The following SLC41A2 variants were observed in gnomAD, a reference collection of about 807,000 sequenced individuals.
SLC41A2 encodes the protein solute carrier family 41 member 2, also known as SLC41A1-like 1.
Under a neutral mutation model 58.3 loss-of-function variants are expected in SLC41A2, and 32 were observed. That is an observed-to-expected ratio of 0.55 (90% CI 0.41 to 0.74). The LOEUF is 0.74. SLC41A2 is among the 30% of genes least tolerant of loss of function. The pLI is 0.00. For missense variants in SLC41A2, 514 were observed against 680.6 expected (o/e 0.76, Z 2.72); for synonymous variants, 190 against 235.0 (o/e 0.81, Z 1.75).
intron 3 of SLC41A2, among the ~76,000 whole-genome samples, chr12:104,899,396 G>A (rs2045452365): frequency 1.3e-5 from 2 of 151,590 alleles, no homozygotes; most frequent in Non-Finnish European, 2.9e-5. Flanking sequence ...TAGATAACAT[G>A]TTGTAGTGAC....
At chr12:104,907,192 T>G (rs993954527) in intron 3 of SLC41A2, among the ~76,000 whole-genome samples, 14 of 147,338 alleles carry the variant, frequency 9.5e-5, no homozygotes, top group Admixed American at 8.5e-4. Context: ...GTTATCCTTT[T>G]GTCATGTCCC....
At chr12:104,893,825 CAG>C (rs2045139699) in intron 4 of SLC41A2, among the ~76,000 whole-genome samples, 1 of 151,870 alleles carries the variant, frequency 6.6e-6, no homozygotes, top group Non-Finnish European at 1.5e-5. Context: ...CTCATGGAGA[CAG>C]AAAGTAGAAG....
intron 6 of SLC41A2, among the ~76,000 whole-genome samples, chr12:104,880,411 T>C (rs535003858): frequency 2.0e-5 from 3 of 152,286 alleles, no homozygotes; most frequent in African/African-American, 2.4e-5. Flanking sequence ...AAAGGGAATG[T>C]TTCCAGTTTT....
At chr12:104,872,692 T>C (rs1306098787) in intron 6 of SLC41A2, among the ~76,000 whole-genome samples, 1 of 152,060 alleles carries the variant, frequency 6.6e-6, no homozygotes, top group African/African-American at 2.4e-5. Flanking sequence ...ATCACACCAC[T>C]GCACTCCAGC....
intron 10 of SLC41A2, among the ~76,000 whole-genome samples, chr12:104,834,594 T>G (rs989244078): frequency 6.6e-6 from 1 of 152,208 alleles, no homozygotes; most frequent in African/African-American, 2.4e-5. Context: ...AATATGAAGA[T>G]TAAGTAACCT....
Position 104,853,911 on chromosome 12 carries a change from A to ATTATTATTATTATTATTTTTTTTTT in SLC41A2, c.1255+7379_1255+7380insAAAAAAAAAATAATAATAATAATAA. On this transcript the variant is annotated intron_variant, in intron 8 of 10. Coordinates refer to ENST00000258538, the MANE Select transcript of SLC41A2 (RefSeq NM_001352171.3). ...GGGTGCATGTCACCATGCCTGGCTG[A>ATTATTATTATTATTATTTTTTTTTT]TTTTTTTTTTTTTTTTTTTTTTTTT... is the stretch of plus-strand genomic sequence containing the variant. 5.2e-4 allele frequency among the ~76,000 whole-genome samples: 31 copies of ATTATTATTATTATTATTTTTTTTTT among 59,494 alleles called. 1 individual carries two copies. The highest frequency in any genetic ancestry group is 8.6e-4 in the Admixed American group (4 of 4,650). 39.0% of individuals were successfully genotyped at this position (59,494 alleles called of 152,430 possible).
At position 104,853,911 on chromosome 12, in the gene SLC41A2, A is replaced by ATTATTATTATTATTAT; in HGVS notation, c.1255+7379_1255+7380insATAATAATAATAATAA. ...GGGTGCATGTCACCATGCCTGGCTG[A>ATTATTATTATTATTAT]TTTTTTTTTTTTTTTTTTTTTTTTT... On this transcript the variant is annotated intron_variant, in intron 8 of 10. Coordinates refer to ENST00000258538, the MANE Select transcript of SLC41A2 (RefSeq NM_001352171.3). Among the ~76,000 whole-genome samples, 80 of 59,494 alleles carry ATTATTATTATTATTAT rather than the reference A, an allele frequency of 1.3e-3. 2 individuals carry two copies. Among genetic ancestry groups the ATTATTATTATTATTAT allele is most frequent in the Non-Finnish European group, 1.8e-3 (58 of 31,486 alleles). The allele number at this position is 59,494 out of a possible 152,430, so 39.0% of individuals were successfully genotyped here.
chr12:104,844,451 T>A (rs200142076), intron 10 of SLC41A2, 21 bp downstream of exon 10: 2 of 1,384,092 alleles, frequency 1.4e-6, no homozygotes, highest in Non-Finnish European at 1.9e-6. Context: ...AAAAGAGATT[T>A]CAAGAAGTTT....
rs778903028 is a variant in SLC41A2 at position 104,825,697 on chromosome 12, C to A, written c.1536+18775G>T. Reference sequence around the variant, plus strand: ...ACAGCCTCTGAAATATCTTTTCAGTCCCAAACTCGATTCCAAGCTTCAGGC... The same window carrying A: ...ACAGCCTCTGAAATATCTTTTCAGTACCAAACTCGATTCCAAGCTTCAGGC... On this transcript the variant is annotated intron_variant, in intron 10 of 10. Coordinates refer to ENST00000258538, the MANE Select transcript of SLC41A2 (RefSeq NM_001352171.3). Among the ~76,000 whole-genome samples the A allele has an allele frequency of 2.0e-5, 3 of 152,140 alleles. No individual in the cohort carries two copies. In the East Asian group the frequency reaches 5.8e-4, roughly 29 times the overall value.
chr12:104,848,094 A>G (rs1406080726), intron 8 of SLC41A2, among the ~76,000 whole-genome samples: 1 of 152,254 alleles, frequency 6.6e-6, no homozygotes, highest in Non-Finnish European at 1.5e-5. Flanking sequence ...ATTACAGGCC[A>G]TAAGACAAGT....
chr12:104,949,622 T>G (rs576523511), intron 1 of SLC41A2, among the ~76,000 whole-genome samples: 2 of 152,328 alleles, frequency 1.3e-5, no homozygotes, highest in African/African-American at 4.8e-5. Flanking sequence ...TCGCTCTTGT[T>G]GCCCAGGCTG....
chr12:104,878,720 C>T (rs2044194256), intron 6 of SLC41A2, among the ~76,000 whole-genome samples: 1 of 152,094 alleles, frequency 6.6e-6, no homozygotes, highest in South Asian at 2.1e-4. Flanking sequence ...CATTGTTGGA[C>T]ATTTGGCTTG....
At chr12:104,864,911 A>AT (rs1168554358) in intron 7 of SLC41A2, among the ~76,000 whole-genome samples, 5 of 150,376 alleles carry the variant, frequency 3.3e-5, no homozygotes, top group South Asian at 2.1e-4. Context: ...CTTGAGTACT[A>AT]TTTTTTTTTC....
chr12:104,939,212 A>G (rs2047403190), intron 1 of SLC41A2, among the ~76,000 whole-genome samples: 1 of 152,174 alleles, frequency 6.6e-6, no homozygotes, highest in African/African-American at 2.4e-5. Context: ...TTACTTACAA[A>G]AATAAAAAAG....
intron 10 of SLC41A2, among the ~76,000 whole-genome samples, chr12:104,822,672 T>C (rs534391304): frequency 1.3e-5 from 2 of 152,236 alleles, no homozygotes; most frequent in South Asian, 4.1e-4. Flanking sequence ...CTAAGCTCAG[T>C]ATAGAGACCT....
At chr12:104,940,470 A>G (rs1290873403) in intron 1 of SLC41A2, among the ~76,000 whole-genome samples, 2 of 151,918 alleles carry the variant, frequency 1.3e-5, no homozygotes, top group African/African-American at 4.8e-5. Context: ...CACGTTGTGC[A>G]CATGTACCCT....
At position 104,889,170 on chromosome 12, in the gene SLC41A2, G is replaced by A; in HGVS notation, c.743C>T (p.Ala248Val). The change falls in exon 5 of 11, where the codon GCA becomes GTA. Residue 248 changes from alanine (A) to valine (V), a missense_variant. Around this residue, in one of 3 missense-constraint regions of SLC41A2, gnomAD observed 336 missense variants for 430.0 expected, o/e 0.78. Coordinates refer to ENST00000258538, the MANE Select transcript of SLC41A2 (RefSeq NM_001352171.3). The part of the protein sequence containing the change: ...IGNLALKQVQ[A>V]TVVGFLAAVA... The stretch of plus-strand genomic sequence containing the variant: ...AGCTGCTAGAAAACCCACTACTGTT[G>A]CCTGAACCTAAAATTTTTTTCATAA... The A allele has an allele frequency of 6.2e-7, 1 of 1,601,302 alleles. No homozygotes were observed. The highest frequency in any genetic ancestry group is 8.5e-7 in the Non-Finnish European group (1 of 1,176,902).
chr12:104,804,681 T>C lies in SLC41A2; in HGVS notation c.*471A>G, dbSNP rs1410459567. The C allele has an allele frequency of 6.5e-6, 1 of 152,860 alleles. No individual in the cohort carries two copies. The highest frequency in any genetic ancestry group is 6.5e-5 in the Admixed American group (1 of 15,280). The allele number at this position is 152,860 out of a possible 1,614,324, so 9.5% of individuals were successfully genotyped here. ...CTGGTAAATTTATCCTCAGCTAGCA[T>C]AGAGGTGGGCATTGTTAATACGATT... On this transcript the variant is annotated 3_prime_UTR_variant, in exon 11 of 11. Coordinates refer to ENST00000258538, the MANE Select transcript of SLC41A2 (RefSeq NM_001352171.3).
chr12:104,821,412 A>C (rs10861279), intron 10 of SLC41A2, among the ~76,000 whole-genome samples: 13,211 of 152,212 alleles, frequency 0.087, 636 homozygotes, highest in South Asian at 0.11. Flanking sequence ...CTTGATTTTT[A>C]ATAGCAAAAA....
Sources: gnomAD v4.1 joint callset for allele counts (sites outside exome capture counted in the v4.1 genomes callset) on GRCh38, gnomAD v4.1.1 for gene constraint, gnomAD v4.1.1 regional missense constraint, MANE v1.5 for transcripts, NCBI Gene and HGNC (gene_info 2026-07-23, HGNC 2026-07-21) for gene names.